The following PRR16 variants were observed in gnomAD, a reference collection of about 807,000 sequenced individuals.
PRR16 encodes proline rich 16.
A neutral mutation model predicts 18.2 loss-of-function variants in PRR16; 6 were observed. The observed-to-expected ratio is 0.33, with a 90% CI of 0.18 to 0.65. PRR16 has a LOEUF of 0.65. Ranked by LOEUF, PRR16 falls within the 30% of genes least tolerant of loss-of-function variation. The pLI, the probability that PRR16 is intolerant of heterozygous loss-of-function variation, is 0.74. For synonymous variants in PRR16, 151 were observed against 147.8 expected, an observed-to-expected ratio of 1.02 and a Z score of -0.16; for missense variants, 412 against 376.6, an observed-to-expected ratio of 1.09 and a Z score of -0.78.
chr5:120,642,514 A>T lies in PRR16; in HGVS notation c.160-43440A>T, dbSNP rs72794330. Among the ~76,000 whole-genome samples, 794 of 152,112 alleles carry T rather than the reference A, an allele frequency of 5.2e-3. 10 individuals are homozygous for T. The highest frequency in any genetic ancestry group is 0.017 in the African/African-American group (723 of 41,516). On this transcript the variant is annotated intron_variant, in intron 1 of 1. Transcript: ENST00000407149. ...CAGCTTGAAAATCGCTGATCTGTAT[A>T]AAAAAATGTATAAACTGTCTTGTTG...
intron 1 of PRR16, among the ~76,000 whole-genome samples, chr5:120,497,579 C>T (rs377174188): frequency 2.0e-5 from 3 of 151,356 alleles, no homozygotes; most frequent in African/African-American, 7.3e-5. Flanking sequence ...TTAGTACAGA[C>T]GGGGTTTCAC....
chr5:120,739,524 A>G, the PRR16 span, among the ~76,000 whole-genome samples: 3 of 152,190 alleles, frequency 2.0e-5, no homozygotes, highest in Non-Finnish European at 4.4e-5. Context: ...TTAGAACAGT[A>G]TACTGAAAGG....
chr5:120,555,787 A>T (rs1524574), intron 1 of PRR16, among the ~76,000 whole-genome samples: 146,862 of 148,664 alleles, frequency 0.99, 72,564 homozygotes, highest in South Asian at 1. Flanking sequence ...CAATCTTCTA[A>T]ATAACCTAGA....
chr5:120,682,237 A>C (rs1756995658), intron 1 of PRR16, among the ~76,000 whole-genome samples: 1 of 152,174 alleles, frequency 6.6e-6, no homozygotes, highest in Admixed American at 6.5e-5. Flanking sequence ...CTCTTCTGCC[A>C]GTAAGCTCCA....
chr5:120,646,877 A>G (rs1007626800), intron 1 of PRR16, among the ~76,000 whole-genome samples: 9 of 152,040 alleles, frequency 5.9e-5, no homozygotes, highest in African/African-American at 2.2e-4. Flanking sequence ...ACAACAGAAT[A>G]ATAGATATCA....
intron 1 of PRR16, among the ~76,000 whole-genome samples, chr5:120,582,092 T>C (rs965557354): frequency 1.1e-4 from 17 of 152,142 alleles, no homozygotes; most frequent in Non-Finnish European, 2.1e-4. Context: ...AGAGAAAATG[T>C]GGTATATATA....
chr5:120,507,190 G>A (rs1201068355), intron 1 of PRR16, among the ~76,000 whole-genome samples: 1 of 151,988 alleles, frequency 6.6e-6, no homozygotes, highest in Admixed American at 6.6e-5. Context: ...TGCATAGTAT[G>A]CCACAAATGC....
chr5:120,793,797 T>G, the PRR16 span, among the ~76,000 whole-genome samples: 2 of 152,184 alleles, frequency 1.3e-5, no homozygotes, highest in South Asian at 2.1e-4. Context: ...TGTTCTAACA[T>G]CATATAATGT....
chr5:120,679,806 C>A (rs530453443), intron 1 of PRR16, among the ~76,000 whole-genome samples: 34 of 152,034 alleles, frequency 2.2e-4, no homozygotes, highest in African/African-American at 7.7e-4. Context: ...ACAACAACAA[C>A]AAAAACAACA....
the PRR16 span, among the ~76,000 whole-genome samples, chr5:120,725,305 T>G: frequency 3.5e-5 from 5 of 144,688 alleles, no homozygotes; most frequent in East Asian, 3.9e-4. Context: ...TGATGTTGTT[T>G]TTTTTTTTTT....
At chr5:120,735,387 G>GAT in the PRR16 span, among the ~76,000 whole-genome samples, 98 of 151,962 alleles carry the variant, frequency 6.4e-4, no homozygotes, top group Non-Finnish European at 1.1e-3. Context: ...CAAAAGTGGG[G>GAT]ATATATATAT....
chr5:120,575,532 G>C (rs936153182), intron 1 of PRR16, among the ~76,000 whole-genome samples: 2 of 152,058 alleles, frequency 1.3e-5, no homozygotes, highest in African/African-American at 4.8e-5. Flanking sequence ...TGGTATGTCA[G>C]ATCAACAAAA....
chr5:120,633,450 A>C (rs141983831), intron 1 of PRR16, among the ~76,000 whole-genome samples: 2 of 152,182 alleles, frequency 1.3e-5, no homozygotes, highest in Admixed American at 1.3e-4. Flanking sequence ...GAACTCGCCA[A>C]CCAAGTTTCT....
intron 1 of PRR16, among the ~76,000 whole-genome samples, chr5:120,593,184 T>C (rs78345327): frequency 0.059 from 8,905 of 151,198 alleles, 340 homozygotes; most frequent in South Asian, 0.085. Context: ...CTGAAGGAGA[T>C]TGAGATAGGA....
chr5:120,528,883 A>T (rs946961215), intron 1 of PRR16, among the ~76,000 whole-genome samples: 1 of 152,160 alleles, frequency 6.6e-6, no homozygotes. Flanking sequence ...AATAGTTTTG[A>T]TGTTCTTCAT....
chr5:120,631,804 C>T (rs1277322810), intron 1 of PRR16, among the ~76,000 whole-genome samples: 1 of 152,044 alleles, frequency 6.6e-6, no homozygotes, highest in African/African-American at 2.4e-5. Context: ...GATCTATGGC[C>T]CCACCCACCA....
intron 1 of PRR16, among the ~76,000 whole-genome samples, chr5:120,575,500 A>G (rs1039091911): frequency 6.6e-6 from 1 of 152,222 alleles, no homozygotes; most frequent in South Asian, 2.1e-4. Context: ...AAGTTTATTC[A>G]GCATACTCAA....
the PRR16 span, among the ~76,000 whole-genome samples, chr5:120,783,365 A>G: frequency 3.3e-5 from 5 of 152,228 alleles, no homozygotes; most frequent in Admixed American, 2.6e-4. Context: ...ATTTAATTCT[A>G]TATATATCCA....
At chr5:120,618,842 A>C (rs1330906870) in intron 1 of PRR16, among the ~76,000 whole-genome samples, 3 of 151,944 alleles carry the variant, frequency 2.0e-5, no homozygotes, top group African/African-American at 7.3e-5. Flanking sequence ...CAAGTCACTT[A>C]TTCAACTTGA....
Sources: allele counts gnomAD v4.1 joint callset (sites outside exome capture counted in the v4.1 genomes callset), GRCh38; gene constraint gnomAD v4.1.1; transcripts MANE v1.5; gene names NCBI Gene and HGNC (gene_info 2026-07-23, HGNC 2026-07-21).